LRRC43: variants seen among roughly 807,000 people sequenced by gnomAD.
The protein encoded by LRRC43 is leucine-rich repeat-containing protein 43.
In LRRC43, 62 loss-of-function variants were observed where a neutral mutation model predicts 64.3. The ratio of observed to expected loss-of-function variants is 0.96; its 90% CI spans 0.79 to 1.19. The LOEUF (loss-of-function observed/expected upper bound fraction) is 1.19, where lower values mean the gene tolerates loss of function less well. LRRC43 is among the 50% of genes most tolerant of loss of function. The pLI is 0.00. For synonymous variants in LRRC43, 422 were observed against 382.3 expected (o/e 1.10, Z -1.21); for missense variants, 868 against 845.0 (o/e 1.03, Z -0.34).
rs574770948 is a variant in LRRC43 at position 122,193,212 on chromosome 12, C to A, written c.1349+208C>A. Among the ~76,000 whole-genome samples, 145 of 151,812 alleles carry A rather than the reference C, an allele frequency of 9.6e-4. 2 individuals are homozygous for A. Among genetic ancestry groups the A allele is most frequent in the African/African-American group, 3.0e-3 (126 of 41,382 alleles). ...TGGCTAACATGGTGAAACCCCGTCT[C>A]TACTAAAAATACGAAAAAATTAGCC... On this transcript the variant is annotated intron_variant, in intron 7 of 11. Transcript: ENST00000339777.
upstream of LRRC43, among the ~76,000 whole-genome samples, chr12:122,181,174 C>T (rs1953577456): frequency 1.3e-5 from 2 of 150,850 alleles, no homozygotes; most frequent in Admixed American, 6.6e-5. Flanking sequence ...CCTGTGATCA[C>T]GCTACTGCAC....
At chr12:122,190,010 G>A (rs1297985863) in intron 4 of LRRC43, 120 bp from the exon 5 acceptor site, 2 of 834,176 alleles carry the variant, frequency 2.4e-6, no homozygotes, top group East Asian at 2.4e-5. Context: ...TAGGACAGGG[G>A]TGCAGGCCGT....
chr12:122,200,628 A>T lies in LRRC43; in HGVS notation c.1588A>T (p.Arg530Trp), dbSNP rs1159233294. 1 of 1,614,186 alleles carries T rather than the reference A, an allele frequency of 6.2e-7. No individual in the cohort carries two copies. The highest frequency in any genetic ancestry group is 8.5e-7 in the Non-Finnish European group (1 of 1,180,020). The change falls in exon 9 of 12, where the codon AGG becomes TGG. Residue 530 changes from arginine (R) to tryptophan (W), a missense_variant. Physicochemically the swap from Arg to Trp is moderately radical, Grantham distance 101. Transcript: ENST00000339777. This position sits in a 1 kb window ranked among gnomAD's most constrained non-coding sequence, Gnocchi z 4.6. ...AGACAAGAAAGGGAAGGAGAAAGAC[A>T]GGACGGGGAAAGGAGAGAAAGAGCC... is the stretch of plus-strand genomic sequence containing the variant. The part of the protein sequence containing the change: ...EKDKKGKEKD[R>W]TGKGEKEPAK...
At chr12:122,179,491 A>C (rs1466254139), upstream of LRRC43, among the ~76,000 whole-genome samples, 2 of 151,954 alleles carry the variant, frequency 1.3e-5, no homozygotes, top group Non-Finnish European at 2.9e-5. Flanking sequence ...GTGGATCTGA[A>C]GCGTGTAGGA....
upstream of LRRC43, among the ~76,000 whole-genome samples, chr12:122,182,451 G>A (rs1452456226): frequency 6.7e-6 from 1 of 149,356 alleles, no homozygotes; most frequent in Non-Finnish European, 1.5e-5. Flanking sequence ...GAATCTGGGA[G>A]GCGGAGGTTG....
rs892351863 is a variant in LRRC43 at position 122,192,562 on chromosome 12, A to C, written c.1090-183A>C. 2.6e-5 allele frequency among the ~76,000 whole-genome samples: 4 copies of C among 152,230 alleles called. No homozygotes were observed. The East Asian group carries it at 7.7e-4, about 29-fold the overall frequency. On this transcript the variant is annotated intron_variant, in intron 6 of 11. Transcript: ENST00000339777. ...GAAGTGGTTCTTGCTTTTACTCTTA[A>C]TGTAGGTCTTTCAGAAAAGACAAAA...
rs1953616593 is a variant in LRRC43, at chr12:122,184,419, C to T, written c.151-100C>T. The T allele has an allele frequency of 7.0e-7, 1 of 1,424,062 alleles. No individual in the cohort carries two copies. The highest frequency in any genetic ancestry group is 9.5e-7 in the Non-Finnish European group (1 of 1,056,262). The allele number at this position is 1,424,062 out of a possible 1,614,324, so 88.2% of individuals were successfully genotyped here. ...TACTCTCTAGATTTCTAAACTCTAT[C>T]CCTAATCGTCCAGTTTTATGATCTG... On this transcript the variant is annotated intron_variant, in intron 1 of 11. Coordinates refer to ENST00000339777, the MANE Select transcript of LRRC43 (RefSeq NM_001098519.2). The surrounding 1 kb of genome is among the most constrained non-coding windows in gnomAD (Gnocchi z 4.0).
chr12:122,201,662 C>T (rs1358507546), intron 11 of LRRC43, among the ~76,000 whole-genome samples: 1 of 152,126 alleles, frequency 6.6e-6, no homozygotes, highest in Non-Finnish European at 1.5e-5. Flanking sequence ...GTAAGAGGGG[C>T]CTGGGCTTGT....
chr12:122,198,725 G>T (rs1196314488), intron 7 of LRRC43, among the ~76,000 whole-genome samples: 2 of 147,670 alleles, frequency 1.4e-5, no homozygotes, highest in Non-Finnish European at 3.0e-5. Context: ...CACCTCCCAG[G>T]TTCAAGTGAT....
exon 1 of LRRC43, chr12:122,167,750 C>T (rs907228786): frequency 2.6e-5 from 4 of 152,096 alleles, no homozygotes; most frequent in African/African-American, 9.7e-5. Context: ...ATGAGGTCGC[C>T]ACTAGCCACT....
intron 1 of LRRC43, among the ~76,000 whole-genome samples, chr12:122,174,684 C>T (rs1953521501): frequency 6.6e-6 from 1 of 152,038 alleles, no homozygotes; most frequent in South Asian, 2.1e-4. Flanking sequence ...CAGGGACGGC[C>T]CCATAACTGC....
Position 122,172,233 on chromosome 12 carries a change from T to C in LRRC43, c.-406+4451T>C. The C allele has an allele frequency of 7.0e-6, 4 of 572,918 alleles. No homozygotes were observed. In the South Asian group the frequency reaches 8.6e-5, roughly 12 times the overall value. The allele number at this position is 572,918 out of a possible 1,614,324, so 35.5% of individuals were successfully genotyped here. ...ACTAATAACAATAACCTAATGTTTT[T>C]CAAGGTAATTCACAAATTCACATCT... On this transcript the variant is annotated intron_variant, in intron 1 of 5. Transcript: ENST00000537729.
chr12:122,172,849 A>G, intron 1 of LRRC43: 1 of 845,674 alleles, frequency 1.2e-6, no homozygotes, highest in Admixed American at 2.6e-5. Flanking sequence ...TGATATATTT[A>G]TCTGATCAAT....
chr12:122,186,209 A>G lies in LRRC43; in HGVS notation c.431A>G (p.Asp144Gly), dbSNP rs780764974. The part of the protein sequence containing the change: ...IDKKVTLVDK[D>G]LLKFLKLEEL... Reference sequence around the variant, plus strand: ...TTCCAGGTCACCCTGGTGGATAAAGACCTCCTGAAATTTCTAAAGCTGGAG... The same window carrying G: ...TTCCAGGTCACCCTGGTGGATAAAGGCCTCCTGAAATTTCTAAAGCTGGAG... Residue 144 changes from aspartate to glycine, a missense_variant, in exon 3 of 12, where the codon GAC becomes GGC. By Grantham distance (94) the Asp-to-Gly change is moderately conservative. Transcript: ENST00000339777. 1.3e-6 allele frequency: 2 copies of G among 1,598,596 alleles called. No homozygotes were observed. The highest frequency in any genetic ancestry group is 2.3e-5 in the South Asian group (2 of 87,738).
intron 1 of LRRC43, among the ~76,000 whole-genome samples, chr12:122,176,350 G>A (rs577181311): frequency 1.3e-5 from 2 of 152,134 alleles, no homozygotes; most frequent in Non-Finnish European, 2.9e-5. Context: ...CCACAGTGAC[G>A]CGAGAGGACA....
chr12:122,179,493 C>T (rs191120406), upstream of LRRC43, among the ~76,000 whole-genome samples: 11 of 151,930 alleles, frequency 7.2e-5, no homozygotes, highest in East Asian at 3.9e-4. Context: ...GGATCTGAAG[C>T]GTGTAGGAAG....
chr12:122,176,801 T>C (rs1029943280), intron 1 of LRRC43, among the ~76,000 whole-genome samples: 1 of 151,932 alleles, frequency 6.6e-6, no homozygotes, highest in Non-Finnish European at 1.5e-5. Flanking sequence ...ATCACAGGCA[T>C]GTACCACCAT....
upstream of LRRC43, among the ~76,000 whole-genome samples, chr12:122,178,862 C>T (rs1019953761): frequency 6.6e-5 from 10 of 152,092 alleles, no homozygotes; most frequent in Admixed American, 3.9e-4. Flanking sequence ...CTGCCTCGGC[C>T]TCCCAAGGTG....
chr12:122,184,795 G>A lies in LRRC43; in HGVS notation c.411+16G>A, dbSNP rs374939130. 1.2e-4 allele frequency: 192 copies of A among 1,583,630 alleles called. 1 individual carries two copies. The South Asian group carries it at 1.9e-3, about 15-fold the overall frequency. ...AGACAAGAAGGTCAGTGCTGGGCAC[G>A]TGGTAGGTGATGTTAGGGTGGCCGC... On this transcript the variant is annotated intron_variant, in intron 2 of 11. Transcript: ENST00000339777. The surrounding 1 kb of genome is among the most constrained non-coding windows in gnomAD (Gnocchi z 4.0).
Sources: gnomAD v4.1 joint callset for allele counts (sites outside exome capture counted in the v4.1 genomes callset) on GRCh38, gnomAD v4.1.1 for gene constraint, Gnocchi (gnomAD v3.1) non-coding constraint, MANE v1.5 for transcripts, NCBI Gene and HGNC (gene_info 2026-07-23, HGNC 2026-07-21) for gene names.